Variants in ADCY9 observed in about 807,000 individuals in gnomAD.
ADCY9 encodes adenylate cyclase 9.
Under a neutral mutation model 101.5 loss-of-function variants are expected in ADCY9, and 50 were observed. The ratio of observed to expected loss-of-function variants is 0.49; its 90% CI spans 0.39 to 0.62. The LOEUF is 0.62. Ranked by LOEUF, ADCY9 falls within the 20% of genes least tolerant of loss-of-function variation. ADCY9 has a pLI of 0.00. For missense variants in ADCY9, 1,662 were observed against 1,800.4 expected, an observed-to-expected ratio of 0.92 and a Z score of 1.39; for synonymous variants, 905 against 769.3, an observed-to-expected ratio of 1.18 and a Z score of -2.92.
chr16:4,064,817 G>A (rs971167227), intron 2 of ADCY9, among the ~76,000 whole-genome samples: 10 of 151,806 alleles, frequency 6.6e-5, no homozygotes, highest in African/African-American at 1.9e-4. Context: ...AAAAAAAGAA[G>A]ACTACACAAA....
intron 10 of ADCY9, among the ~76,000 whole-genome samples, chr16:3,970,063 G>A (rs1346621997): frequency 6.6e-6 from 1 of 152,076 alleles, no homozygotes; most frequent in Non-Finnish European, 1.5e-5. Flanking sequence ...TCATGTAAAT[G>A]CTGTACCCTG....
intron 5 of ADCY9, among the ~76,000 whole-genome samples, chr16:3,955,487 G>C (rs896682440): frequency 6.6e-6 from 1 of 152,214 alleles, no homozygotes; most frequent in African/African-American, 2.4e-5. Flanking sequence ...CCAGTCTCCA[G>C]GCATCAGGTT....
intron 8 of ADCY9, 89 bp from the exon 9 acceptor site, chr16:3,977,719 A>T: frequency 6.8e-7 from 1 of 1,471,680 alleles, no homozygotes; most frequent in South Asian, 1.4e-5. Context: ...CCACTAATCC[A>T]TGTTTCCTTT....
intron 2 of ADCY9, among the ~76,000 whole-genome samples, chr16:4,101,070 G>A (rs551475428): frequency 3.3e-5 from 5 of 152,044 alleles, no homozygotes; most frequent in South Asian, 2.1e-4. Flanking sequence ...TTTAATCCTC[G>A]CAGCAATTCT....
chr16:4,113,684 T>A, intron 2 of ADCY9, 66 bp downstream of exon 2: 1 of 1,524,178 alleles, frequency 6.6e-7, no homozygotes, highest in East Asian at 2.3e-5. Flanking sequence ...GCTGGAAGCT[T>A]TTTTTTTTAA....
intron 2 of ADCY9, among the ~76,000 whole-genome samples, chr16:4,044,901 C>A (rs1048068103): frequency 1.3e-5 from 2 of 152,178 alleles, no homozygotes; most frequent in Non-Finnish European, 1.5e-5. Flanking sequence ...ATCCACTTCC[C>A]GGCCTCACAG....
intron 2 of ADCY9, among the ~76,000 whole-genome samples, chr16:4,085,742 A>C (rs964962588): frequency 6.6e-6 from 1 of 152,036 alleles, no homozygotes; most frequent in Non-Finnish European, 1.5e-5. Context: ...AGGAATGCAC[A>C]TTCTTGCCCC....
In ADCY9 at chr16:3,977,623, A is replaced by G. The variant is rs550558850; in HGVS notation, c.2687T>C (p.Val896Ala). The change falls in exon 9 of 11, where the codon GTG becomes GCG. Residue 896 changes from valine (V) to alanine (A), a missense_variant. Around this residue, in one of 5 missense-constraint regions of ADCY9, gnomAD observed 624 missense variants for 639.1 expected, o/e 0.98. Coordinates refer to ENST00000294016, the MANE Select transcript of ADCY9 (RefSeq NM_001116.4). The stretch of plus-strand genomic sequence containing the variant: ...AATCAGCGCGGCCGAGCCTGTGAAC[A>G]CTGGGAACTGCAAGAGGCGAAGGGT... ...SEYETNIHFP[V>A]FTGSAALIAV... 1.9e-6 allele frequency: 3 copies of G among 1,612,970 alleles called. No homozygotes were observed. Among genetic ancestry groups the G allele is most frequent in the Non-Finnish European group, 2.5e-6 (3 of 1,179,818 alleles).
chr16:3,984,406 A>G (rs900309332), intron 6 of ADCY9, among the ~76,000 whole-genome samples: 1 of 152,122 alleles, frequency 6.6e-6, no homozygotes, highest in African/African-American at 2.4e-5. Flanking sequence ...AGTGTTCGGC[A>G]ATTGAGGGGG....
At chr16:4,028,302 G>A (rs528881320) in intron 2 of ADCY9, among the ~76,000 whole-genome samples, 52 of 152,274 alleles carry the variant, frequency 3.4e-4, no homozygotes, top group South Asian at 1.0e-3. Flanking sequence ...ACTTGCAAGC[G>A]ATGTTCAGAG....
intron 2 of ADCY9, among the ~76,000 whole-genome samples, chr16:4,109,578 C>T (rs974486067): frequency 3.9e-5 from 6 of 152,184 alleles, no homozygotes; most frequent in East Asian, 1.9e-4. Flanking sequence ...TCCACATTGT[C>T]GCCAAGTCAC....
chr16:3,955,075 G>A (rs902595127), intron 5 of ADCY9, among the ~76,000 whole-genome samples: 1 of 152,192 alleles, frequency 6.6e-6, no homozygotes, highest in Non-Finnish European at 1.5e-5. Context: ...GGTACTGGCT[G>A]TGTAAGAAAA....
At chr16:4,024,347 C>G (rs1261212733) in intron 2 of ADCY9, among the ~76,000 whole-genome samples, 1 of 152,158 alleles carries the variant, frequency 6.6e-6, no homozygotes, top group Non-Finnish European at 1.5e-5. Context: ...TTAATTCAAA[C>G]TAATGTTAAT....
Position 4,115,207 on chromosome 16 carries a change from A to G in ADCY9, c.236T>C (p.Leu79Pro). The change falls in exon 2 of 11, where the codon CTG (leucine) becomes CCG (proline). Residue 79 changes from leucine (L) to proline (P), a missense_variant. Leu to Pro is a moderately conservative substitution (Grantham distance 98). Transcript: ENST00000294016. The surrounding 1 kb of genome is among the most constrained non-coding windows in gnomAD (Gnocchi z 6.2). ...GGGRLRRQKK[L>P]PQLFERASSR... ...GGAGGCCCTCTCGAACAGCTGGGGCAGCTTCTTCTGCCTGCGCAGCCGGCC... is the reference window on the plus strand; with the variant it reads ...GGAGGCCCTCTCGAACAGCTGGGGCGGCTTCTTCTGCCTGCGCAGCCGGCC... 1.2e-6 allele frequency: 2 copies of G among 1,613,574 alleles called. No individual in the cohort carries two copies. Among genetic ancestry groups the G allele is most frequent in the Non-Finnish European group, 1.7e-6 (2 of 1,179,860 alleles).
chr16:4,008,598 G>A (rs2056382986), intron 2 of ADCY9, among the ~76,000 whole-genome samples: 1 of 149,694 alleles, frequency 6.7e-6, no homozygotes, highest in African/African-American at 2.5e-5. Context: ...TTGAGATGGA[G>A]TCTCACTCTC....
At chr16:3,993,990 G>A (rs895461252) in intron 3 of ADCY9, among the ~76,000 whole-genome samples, 5 of 152,152 alleles carry the variant, frequency 3.3e-5, no homozygotes, top group African/African-American at 1.2e-4. Flanking sequence ...GGGGCAGGAA[G>A]GGGGAGTGGC....
At chr16:4,042,221 C>G (rs867098579) in intron 2 of ADCY9, among the ~76,000 whole-genome samples, 3 of 152,096 alleles carry the variant, frequency 2.0e-5, no homozygotes, top group African/African-American at 7.2e-5. Context: ...CGGCGCCCAG[C>G]TGACTCAGCT....
intron 2 of ADCY9, among the ~76,000 whole-genome samples, chr16:4,020,823 C>G (rs1488278686): frequency 1.3e-4 from 6 of 45,840 alleles, no homozygotes; most frequent in Non-Finnish European, 3.9e-4. Flanking sequence ...GAGACTCCGT[C>G]TCAAAAAAAA....
chr16:4,015,006 C>T (rs2056428934), intron 2 of ADCY9, among the ~76,000 whole-genome samples: 1 of 144,078 alleles, frequency 6.9e-6, no homozygotes, highest in African/African-American at 2.6e-5. Context: ...CAGTGGCTCC[C>T]TCAGCTCACT....
Sources: allele counts gnomAD v4.1 joint callset (sites outside exome capture counted in the v4.1 genomes callset), GRCh38; gene constraint gnomAD v4.1.1; regional missense constraint gnomAD v4.1.1; non-coding constraint Gnocchi (gnomAD v3.1); transcripts MANE v1.5; gene names NCBI Gene and HGNC (gene_info 2026-07-23, HGNC 2026-07-21).